The following LETM1 variants were observed in gnomAD, a reference collection of about 807,000 sequenced individuals.
The protein encoded by LETM1 is mitochondrial proton/calcium exchanger protein.
LETM1 carries 50 observed loss-of-function variants against 74.5 expected under a neutral mutation model. The ratio of observed to expected loss-of-function variants is 0.67; its 90% CI spans 0.53 to 0.85. LETM1 has a LOEUF of 0.85. Ranked by LOEUF, LETM1 falls within the 40% of genes least tolerant of loss-of-function variation. LETM1 has a pLI of 0.00. For synonymous variants in LETM1, 446 were observed against 407.1 expected (o/e 1.10, Z -1.15); for missense variants, 824 against 967.8 (o/e 0.85, Z 1.97).
chr4:1,815,119 C>T (rs1474156163), intron 13 of LETM1, among the ~76,000 whole-genome samples: 1 of 152,264 alleles, frequency 6.6e-6, no homozygotes, highest in African/African-American at 2.4e-5. Context: ...CGCACTCAGG[C>T]TAGAGCCCTG....
chr4:1,822,375 C>T lies in LETM1; in HGVS notation c.1477-63G>A. 7 of 1,378,810 alleles carry T rather than the reference C, an allele frequency of 5.1e-6. No homozygotes were observed. The South Asian group carries it at 1.3e-4, about 25-fold the overall frequency. 85.4% of individuals were successfully genotyped at this position (1,378,810 alleles called of 1,614,324 possible). A position where few individuals can be genotyped will look rare whatever the true frequency, so the allele number is the denominator to read the frequency against. ...CACACAGAAGCAGTCTTCTTGCTCC[C>T]CGAAGCTCAGAACATATGGCAGAGG... is the stretch of plus-strand genomic sequence containing the variant. On this transcript the variant is annotated intron_variant, in intron 9 of 13. Transcript: ENST00000302787.
chr4:1,837,310 C>T (rs1264291390), intron 3 of LETM1, among the ~76,000 whole-genome samples: 1 of 152,114 alleles, frequency 6.6e-6, no homozygotes, highest in Non-Finnish European at 1.5e-5. Flanking sequence ...GCCTCTCTCC[C>T]GACCCCGCGC....
At position 1,814,349 on chromosome 4, in the gene LETM1, C is replaced by A; in HGVS notation, c.*75G>T. ...ATATTAGATGAGCCACTGAGAATCACCACAAAGCAATCGCCCTCACGGCCC... is the reference window on the plus strand; with the variant it reads ...ATATTAGATGAGCCACTGAGAATCAACACAAAGCAATCGCCCTCACGGCCC... On this transcript the variant is annotated 3_prime_UTR_variant, in exon 14 of 14. Coordinates refer to ENST00000302787, the MANE Select transcript of LETM1 (RefSeq NM_012318.3). 1.2e-6 allele frequency: 2 copies of A among 1,606,130 alleles called. No individual in the cohort carries two copies. The highest frequency in any genetic ancestry group is 1.7e-5 in the Admixed American group (1 of 59,678).
intron 9 of LETM1, chr4:1,822,622 G>GGACC (rs1345088837): frequency 2.9e-6 from 1 of 346,086 alleles, no homozygotes; most frequent in Non-Finnish European, 5.2e-6. Context: ...TGACCCAAGA[G>GGACC]GACCACAGGG....
chr4:1,828,555 G>A (rs1264495591), intron 6 of LETM1, among the ~76,000 whole-genome samples: 3 of 118,738 alleles, frequency 2.5e-5, no homozygotes, highest in Non-Finnish European at 5.1e-5. Context: ...GCCGGGCGGG[G>A]GCTGACCCCC....
chr4:1,842,622 C>T (rs1181081435), intron 2 of LETM1, among the ~76,000 whole-genome samples: 2 of 152,226 alleles, frequency 1.3e-5, no homozygotes, highest in Admixed American at 6.5e-5. Flanking sequence ...GGAATGTAGG[C>T]CACCGAGGGC....
chr4:1,821,792 C>A (rs1711785248), intron 10 of LETM1, among the ~76,000 whole-genome samples: 1 of 152,168 alleles, frequency 6.6e-6, no homozygotes, highest in Non-Finnish European at 1.5e-5. Context: ...CAGGAGGTGA[C>A]AGCAGGTTGG....
In LETM1 at chr4:1,825,605, G is replaced by T. The variant is rs369357432; in HGVS notation, c.1159C>A (p.Leu387Met). 1 of 1,613,830 alleles carries T rather than the reference G, an allele frequency of 6.2e-7. No homozygotes were observed. Among genetic ancestry groups the T allele is most frequent in the African/African-American group, 1.3e-5 (1 of 74,946 alleles). ...CTCAGGCGGTCTTCCGTGACGCCCA[G>T]GGCCCGCATGCCTCGTGCCCGACAC... ...AACRARGMRALGVTEDRLRGQ... is the reference protein window; with the variant it reads ...AACRARGMRAMGVTEDRLRGQ... Residue 387 changes from leucine to methionine, a missense_variant, in exon 7 of 14, where the codon CTG (leucine) becomes ATG (methionine). Physicochemically the swap from Leu to Met is conservative, Grantham distance 15 (BLOSUM62 2). This residue lies in a region of LETM1 where 269 missense variants were observed against 348.8 expected (regional missense o/e 0.77). Transcript: ENST00000302787.
chr4:1,832,221 G>C (rs1332402515), intron 6 of LETM1, among the ~76,000 whole-genome samples: 1 of 152,094 alleles, frequency 6.6e-6, no homozygotes. Context: ...AGAATCGCTT[G>C]AACCCAGGAG....
chr4:1,816,683 A>G (rs766418201), intron 12 of LETM1, 44 bp downstream of exon 12: 5 of 1,582,354 alleles, frequency 3.2e-6, no homozygotes, highest in Admixed American at 1.7e-5. Flanking sequence ...CAGCCTCCCT[A>G]TGTGAGTCTC....
At position 1,841,633 on chromosome 4, in the gene LETM1, A is replaced by G; in HGVS notation, c.308T>C (p.Leu103Pro). ...CGAAGAGTGCCAGCCACGCACAGGAAGGCACTGAGGTCCCACAGCCACAAA... is the reference window on the plus strand; with the variant it reads ...CGAAGAGTGCCAGCCACGCACAGGAGGGCACTGAGGTCCCACAGCCACAAA... ...VGFVAVGPQCLPVRGWHSSRP... is the reference protein window; with the variant it reads ...VGFVAVGPQCPPVRGWHSSRP... Residue 103 changes from leucine to proline, a missense_variant, in exon 3 of 14, where the codon CTT (leucine) becomes CCT (proline). Transcript: ENST00000302787. 1.2e-6 allele frequency: 2 copies of G among 1,614,190 alleles called. No individual in the cohort carries two copies. Among genetic ancestry groups the G allele is most frequent in the Non-Finnish European group, 1.7e-6 (2 of 1,180,036 alleles).
chr4:1,851,344 G>A (rs1363756282), intron 1 of LETM1, among the ~76,000 whole-genome samples: 1 of 152,162 alleles, frequency 6.6e-6, no homozygotes, highest in Non-Finnish European at 1.5e-5. Context: ...AAGATGGGGG[G>A]AGCTCACTCC....
chr4:1,851,590 T>A (rs1458544537), intron 1 of LETM1, among the ~76,000 whole-genome samples: 1 of 152,186 alleles, frequency 6.6e-6, no homozygotes, highest in African/African-American at 2.4e-5. Context: ...ACACAGCAAG[T>A]TACATTTTAA....
chr4:1,851,798 C>T (rs1405268901), intron 1 of LETM1, among the ~76,000 whole-genome samples: 1 of 152,236 alleles, frequency 6.6e-6, no homozygotes, highest in African/African-American at 2.4e-5. Flanking sequence ...GCCCGGCAAG[C>T]AGGCAGGCTG....
chr4:1,828,261 C>A (rs1712087346), intron 6 of LETM1, among the ~76,000 whole-genome samples: 2 of 133,306 alleles, frequency 1.5e-5, no homozygotes, highest in Non-Finnish European at 3.2e-5. Context: ...GACGGGGCGG[C>A]TGGCCGGGCG....
At position 1,814,400 on chromosome 4, in the gene LETM1, G is replaced by A. The variant is rs780509928; in HGVS notation, c.*24C>T. ...TTGCCAGGGTGACGGCACAGCAGGA[G>A]GACAGGTGCCCAGGCCAGTGGTTCT... On this transcript the variant is annotated 3_prime_UTR_variant, in exon 14 of 14. Transcript: ENST00000302787. The A allele has an allele frequency of 9.3e-6, 15 of 1,614,116 alleles. No homozygotes were observed. The highest frequency in any genetic ancestry group is 1.7e-4 in the Middle Eastern group (1 of 6,052).
At chr4:1,844,886 G>GAAA (rs971183682) in intron 2 of LETM1, among the ~76,000 whole-genome samples, 9 of 51,018 alleles carry the variant, frequency 1.8e-4, no homozygotes, top group Non-Finnish European at 2.6e-4. Flanking sequence ...TGTCTCTACA[G>GAAA]AAAAAAAAAA....
intron 6 of LETM1, among the ~76,000 whole-genome samples, chr4:1,831,170 G>A (rs927759008): frequency 1.3e-5 from 2 of 152,176 alleles, no homozygotes; most frequent in Non-Finnish European, 2.9e-5. Flanking sequence ...TGAGTGACAG[G>A]GGAGCTGTGG....
intron 3 of LETM1, among the ~76,000 whole-genome samples, chr4:1,837,139 G>A (rs1712485819): frequency 6.6e-6 from 1 of 152,216 alleles, no homozygotes; most frequent in Non-Finnish European, 1.5e-5. Context: ...AACAACTGCT[G>A]GAAAACAGCG....
Sources: allele counts gnomAD v4.1 joint callset (sites outside exome capture counted in the v4.1 genomes callset), GRCh38; gene constraint gnomAD v4.1.1; regional missense constraint gnomAD v4.1.1; transcripts MANE v1.5; gene names NCBI Gene and HGNC (gene_info 2026-07-23, HGNC 2026-07-21).